Variants in KALRN observed in about 807,000 individuals in gnomAD.
KALRN encodes the protein kalirin RhoGEF kinase.
A neutral mutation model predicts 353.7 loss-of-function variants in KALRN; 70 were observed. The ratio of observed to expected loss-of-function variants is 0.20; its 90% confidence interval spans 0.16 to 0.24. The LOEUF (loss-of-function observed/expected upper bound fraction) is 0.24, where lower values mean the gene tolerates loss of function less well. KALRN is among the 10% of genes least tolerant of loss of function. KALRN has a pLI of 1.00. For missense variants in KALRN, 2,791 were observed against 3,756.7 expected (o/e 0.74, Z 6.72); for synonymous variants, 1,391 against 1,434.8 (o/e 0.97, Z 0.69).
intron 17 of KALRN, among the ~76,000 whole-genome samples, chr3:124,435,275 C>A (rs1560931974): frequency 6.6e-6 from 1 of 152,176 alleles, no homozygotes; most frequent in East Asian, 1.9e-4. Flanking sequence ...TTCCTTGGGC[C>A]CCCAGTCTAA....
At chr3:124,448,696 C>T (rs982001200) in intron 21 of KALRN, among the ~76,000 whole-genome samples, 8 of 151,518 alleles carry the variant, frequency 5.3e-5, no homozygotes, top group Non-Finnish European at 7.4e-5. Context: ...CCCTGCACTA[C>T]GGCCCTTGTC....
intron 3 of KALRN, among the ~76,000 whole-genome samples, chr3:124,239,515 T>C (rs185491882): frequency 1.3e-5 from 2 of 152,308 alleles, no homozygotes; most frequent in Middle Eastern, 3.4e-3. Context: ...GGTTATCATA[T>C]TGGTGAGGAA....
At chr3:124,605,583 A>T (rs902076225) in intron 34 of KALRN, among the ~76,000 whole-genome samples, 1 of 131,154 alleles carries the variant, frequency 7.6e-6, no homozygotes, top group African/African-American at 3.2e-5. Context: ...AAAAAAAAAA[A>T]AAAAGAGAGA....
intron 1 of KALRN, chr3:124,082,333 G>A (rs537750976): frequency 2.1e-6 from 1 of 470,754 alleles, no homozygotes; most frequent in Non-Finnish European, 4.4e-6. Context: ...TTTTCTTACT[G>A]TAAGTAGAAA....
intron 3 of KALRN, among the ~76,000 whole-genome samples, chr3:124,261,239 A>G (rs1039230273): frequency 9.9e-5 from 15 of 152,058 alleles, no homozygotes; most frequent in African/African-American, 3.4e-4. Context: ...GCCACTTACT[A>G]GTTATGTGAT....
chr3:124,221,463 G>C (rs2077899259), intron 1 of KALRN, among the ~76,000 whole-genome samples: 1 of 152,178 alleles, frequency 6.6e-6, no homozygotes, highest in Admixed American at 6.5e-5. Context: ...ATCAGGATCA[G>C]TTAATGGGGA....
At chr3:124,139,133 C>T (rs2066308595) in intron 1 of KALRN, among the ~76,000 whole-genome samples, 1 of 152,078 alleles carries the variant, frequency 6.6e-6, no homozygotes, top group African/African-American at 2.4e-5. Flanking sequence ...CTATAGGGCC[C>T]AGATCCTTTC....
chr3:124,139,616 T>C (rs1431244089), intron 1 of KALRN, among the ~76,000 whole-genome samples: 1 of 152,090 alleles, frequency 6.6e-6, no homozygotes, highest in Non-Finnish European at 1.5e-5. Context: ...TGAGAGGGAA[T>C]GCAAGAGTGG....
chr3:124,339,179 A>G (rs2081426198), intron 9 of KALRN, among the ~76,000 whole-genome samples: 1 of 152,128 alleles, frequency 6.6e-6, no homozygotes, highest in Non-Finnish European at 1.5e-5. Flanking sequence ...CAGGCAGAGG[A>G]GGTTCTCTCA....
intron 3 of KALRN, among the ~76,000 whole-genome samples, chr3:124,238,515 G>A (rs759819460): frequency 1.8e-4 from 27 of 152,114 alleles, no homozygotes; most frequent in African/African-American, 3.4e-4. Flanking sequence ...TTCCTGCCCC[G>A]AATTCTAGGT....
intron 34 of KALRN, chr3:124,584,747 A>T (rs1226144102): frequency 6.5e-7 from 1 of 1,530,292 alleles, no homozygotes. Flanking sequence ...GCGGCGCTGA[A>T]GTTTCCTTCC....
chr3:124,205,046 T>G (rs2076293677), intron 1 of KALRN, among the ~76,000 whole-genome samples: 1 of 152,224 alleles, frequency 6.6e-6, no homozygotes, highest in African/African-American at 2.4e-5. Context: ...ATTTCCTTAT[T>G]ATTGGTCCTG....
intron 3 of KALRN, among the ~76,000 whole-genome samples, chr3:124,262,254 C>T (rs996556681): frequency 4.6e-5 from 7 of 152,092 alleles, no homozygotes; most frequent in Admixed American, 6.5e-5. Flanking sequence ...GAAAAAACTA[C>T]GTTACAGTGA....
chr3:124,552,318 C>T (rs2109601390), intron 33 of KALRN, among the ~76,000 whole-genome samples: 1 of 152,344 alleles, frequency 6.6e-6, no homozygotes, highest in South Asian at 2.1e-4. Context: ...CGCATGTGCC[C>T]TCTTCCCATC....
intron 1 of KALRN, among the ~76,000 whole-genome samples, chr3:124,220,876 G>A (rs772728833): frequency 2.0e-5 from 3 of 152,114 alleles, no homozygotes; most frequent in South Asian, 2.1e-4. Context: ...CAACCTCCCC[G>A]TATCCTCAAA....
chr3:124,615,140 G>A (rs565096255), intron 34 of KALRN, among the ~76,000 whole-genome samples: 3 of 152,240 alleles, frequency 2.0e-5, no homozygotes, highest in East Asian at 1.9e-4. Context: ...CAGACACTAG[G>A]GGATCAAAGT....
chr3:124,080,158 G>C (rs1174838840), intron 1 of KALRN: 4 of 425,112 alleles, frequency 9.4e-6, no homozygotes, highest in Non-Finnish European at 2.0e-5. Flanking sequence ...TGTATAGTAT[G>C]AGTTAGCTTT....
intron 33 of KALRN, among the ~76,000 whole-genome samples, chr3:124,497,446 T>A (rs2063984363): frequency 6.6e-6 from 1 of 152,184 alleles, no homozygotes; most frequent in Non-Finnish European, 1.5e-5. Context: ...TTTCCTATTT[T>A]TTCTTGCTGG....
chr3:124,506,063 G>A (rs1403680505), intron 33 of KALRN, among the ~76,000 whole-genome samples: 3 of 152,146 alleles, frequency 2.0e-5, no homozygotes, highest in Non-Finnish European at 2.9e-5. Flanking sequence ...CTAAAAAGCC[G>A]GCTTTGTCAA....
Sources: allele counts gnomAD v4.1 joint callset (sites outside exome capture counted in the v4.1 genomes callset), GRCh38; gene constraint gnomAD v4.1.1; transcripts MANE v1.5; gene names NCBI Gene and HGNC (gene_info 2026-07-23, HGNC 2026-07-21).